The following TENM1 variants were observed in gnomAD, a reference collection of about 807,000 sequenced individuals.
TENM1 encodes the protein teneurin-1.
In TENM1, 35 loss-of-function variants were observed where a neutral mutation model predicts 174.8. That is an observed-to-expected ratio of 0.20 (90% confidence interval 0.15 to 0.27). The LOEUF (loss-of-function observed/expected upper bound fraction) is 0.27, where lower values mean the gene tolerates loss of function less well. Among genes scored for constraint, TENM1 ranks in the 10% least tolerant of loss-of-function variants. The pLI is 1.00. For synonymous variants in TENM1, 781 were observed against 798.7 expected (o/e 0.98, Z 0.37); for missense variants, 1,633 against 2,130.1 (o/e 0.77, Z 4.59).
chrX:124,388,925 A>C (rs1362699761), intron 28 of TENM1, among the ~76,000 whole-genome samples: 1 of 112,410 alleles, frequency 8.9e-6, no homozygotes, highest in Non-Finnish European at 1.9e-5. Context: ...AATGCATTTT[A>C]AAAATGAAGT....
intron 11 of TENM1, among the ~76,000 whole-genome samples, chrX:124,578,114 GA>G (rs1318582033): frequency 2.7e-5 from 3 of 109,867 alleles, no homozygotes; most frequent in Admixed American, 9.7e-5. Flanking sequence ...TTTCTGTAGA[GA>G]TTGGGTCTCA....
chrX:124,417,971 C>G (rs1213929860), intron 25 of TENM1, among the ~76,000 whole-genome samples: 1 of 112,252 alleles, frequency 8.9e-6, no homozygotes, highest in Admixed American at 9.4e-5. Context: ...TGGCCCAACT[C>G]CCTGGTCCAA....
chrX:124,613,513 C>G lies in TENM1; in HGVS notation c.2077+28278G>C, dbSNP rs73554460. ...AGAACCCAGGGACAAAATGAAGAGACAGTGGCAAATGGGAGATCCAACTAT... is the reference window on the plus strand; with the variant it reads ...AGAACCCAGGGACAAAATGAAGAGAGAGTGGCAAATGGGAGATCCAACTAT... On this transcript the variant is annotated intron_variant, in intron 11 of 31. Coordinates refer to ENST00000422452, the Ensembl canonical transcript of TENM1. 7.9e-3 allele frequency among the ~76,000 whole-genome samples: 886 copies of G among 111,581 alleles called. 8 individuals are homozygous for G. The highest frequency in any genetic ancestry group is 0.028 in the African/African-American group (852 of 30,674).
At chrX:125,073,222 C>A in the TENM1 span, among the ~76,000 whole-genome samples, 1 of 111,047 alleles carries the variant, frequency 9.0e-6, no homozygotes, top group Middle Eastern at 4.2e-3. Flanking sequence ...GAAGAAAATG[C>A]AAAACTAACC....
intron 25 of TENM1, among the ~76,000 whole-genome samples, chrX:124,411,148 T>A (rs1294563628): frequency 1.8e-5 from 2 of 111,959 alleles, no homozygotes; most frequent in African/African-American, 6.5e-5. Context: ...CTTTGTCTGA[T>A]AAACATTTCA....
chrX:125,026,141 C>G, the TENM1 span, among the ~76,000 whole-genome samples: 2 of 108,460 alleles, frequency 1.8e-5, no homozygotes, highest in Non-Finnish European at 3.8e-5. Flanking sequence ...ATTTAAAATG[C>G]TTGTAAAATA....
At chrX:124,926,740 A>G (rs1429395304) in intron 1 of TENM1, among the ~76,000 whole-genome samples, 1 of 112,171 alleles carries the variant, frequency 8.9e-6, no homozygotes, top group African/African-American at 3.2e-5. Flanking sequence ...CCAAGCTCAT[A>G]AACCAAGTTA....
At chrX:125,146,813 C>A in the TENM1 span, among the ~76,000 whole-genome samples, 21 of 111,103 alleles carry the variant, frequency 1.9e-4, no homozygotes, top group South Asian at 7.5e-3. Flanking sequence ...TAATTTCTGG[C>A]CATTTCTTCA....
intron 23 of TENM1, among the ~76,000 whole-genome samples, chrX:124,447,577 G>A (rs1023084181): frequency 4.5e-5 from 5 of 112,110 alleles, no homozygotes; most frequent in African/African-American, 6.5e-5. Context: ...TATCAGAGGC[G>A]TTAATGCTGT....
At chrX:124,652,472 T>C (rs780020702) in intron 7 of TENM1, among the ~76,000 whole-genome samples, 1 of 111,742 alleles carries the variant, frequency 8.9e-6, no homozygotes, top group East Asian at 2.8e-4. Flanking sequence ...ATTAAAAATA[T>C]TATAAACCTT....
At chrX:124,940,154 C>T (rs186944485) in intron 1 of TENM1, among the ~76,000 whole-genome samples, 1 of 111,770 alleles carries the variant, frequency 8.9e-6, no homozygotes, top group African/African-American at 3.2e-5. Flanking sequence ...GTACATTCTG[C>T]AGGTCCTACC....
At chrX:124,498,715 C>T (rs1206565748) in intron 19 of TENM1, among the ~76,000 whole-genome samples, 1 of 109,567 alleles carries the variant, frequency 9.1e-6, no homozygotes, top group Admixed American at 1.0e-4. Flanking sequence ...TTACTCCCTC[C>T]TCTGTGTGCC....
At chrX:125,090,895 G>C in the TENM1 span, among the ~76,000 whole-genome samples, 1 of 111,540 alleles carries the variant, frequency 9.0e-6, no homozygotes, top group African/African-American at 3.3e-5. Context: ...GACTATGACT[G>C]CATCAAGGGG....
intron 3 of TENM1, among the ~76,000 whole-genome samples, chrX:124,753,418 A>G: frequency 9.8e-6 from 1 of 102,127 alleles, no homozygotes. Context: ...TAGATATACA[A>G]TCATGTCATC....
chrX:124,976,967 A>G, the TENM1 span, among the ~76,000 whole-genome samples: 1 of 111,784 alleles, frequency 8.9e-6, no homozygotes, highest in South Asian at 3.7e-4. Flanking sequence ...TCTAATATCC[A>G]TATTTTCATA....
chrX:125,097,359 T>C, the TENM1 span, among the ~76,000 whole-genome samples: 1 of 112,183 alleles, frequency 8.9e-6, no homozygotes, highest in Non-Finnish European at 1.9e-5. Flanking sequence ...ATAGATTCAT[T>C]AACTATATTG....
chrX:125,110,375 T>C, the TENM1 span, among the ~76,000 whole-genome samples: 1 of 111,732 alleles, frequency 8.9e-6, no homozygotes, highest in East Asian at 2.8e-4. Context: ...AGCCAGTTTC[T>C]GTGATTTCCT....
chrX:124,964,028 G>A (rs757917021), upstream of TENM1, among the ~76,000 whole-genome samples: 7 of 112,018 alleles, frequency 6.2e-5, no homozygotes, highest in South Asian at 2.6e-3. Context: ...GGAGGTTGCA[G>A]CATCAGAAAA....
chrX:124,799,734 G>A (rs1458447563), intron 3 of TENM1, among the ~76,000 whole-genome samples: 1 of 111,481 alleles, frequency 9.0e-6, no homozygotes, highest in East Asian at 2.8e-4. Context: ...TATTGGCTGT[G>A]GGTTTGTCAT....
Sources: allele counts gnomAD v4.1 joint callset (sites outside exome capture counted in the v4.1 genomes callset), GRCh38; gene constraint gnomAD v4.1.1; transcripts MANE v1.5; gene names NCBI Gene and HGNC (gene_info 2026-07-23, HGNC 2026-07-21).